The following MDFIC variants were observed in gnomAD, a reference collection of about 807,000 sequenced individuals.
MDFIC encodes the protein MyoD family inhibitor domain containing, also known as myoD family inhibitor domain-containing protein.
MDFIC carries 17 observed loss-of-function variants against 23.2 expected under a neutral mutation model. The observed-to-expected ratio is 0.73, with a 90% CI of 0.50 to 1.10. MDFIC has a LOEUF of 1.10. Ranked by LOEUF, MDFIC falls within the 50% of genes least tolerant of loss-of-function variation. MDFIC has a pLI of 0.00. For missense variants in MDFIC, 356 were observed against 316.6 expected (o/e 1.12, Z -0.95); for synonymous variants, 120 against 115.2 (o/e 1.04, Z -0.27).
At chr7:114,996,897 A>T (rs2709473) in intron 4 of MDFIC, among the ~76,000 whole-genome samples, 6,696 of 152,258 alleles carry the variant, frequency 0.044, 325 homozygotes, top group African/African-American at 0.12. Flanking sequence ...CACTGTAGAA[A>T]ATGAAGAGAA....
At chr7:114,923,487 A>T in intron 2 of MDFIC, 19 of 1,537,836 alleles carry the variant, frequency 1.2e-5, no homozygotes, top group Non-Finnish European at 1.7e-5. Flanking sequence ...GGACTGCCGC[A>T]GCTCTCTGAA....
intron 4 of MDFIC, among the ~76,000 whole-genome samples, chr7:114,996,253 G>A (rs1048820136): frequency 6.6e-6 from 1 of 152,180 alleles, no homozygotes; most frequent in Non-Finnish European, 1.5e-5. Flanking sequence ...GGAGGTAATA[G>A]GATTGGATCG....
intron 3 of MDFIC, among the ~76,000 whole-genome samples, chr7:114,944,061 A>G (rs1211651609): frequency 1.3e-5 from 2 of 152,212 alleles, no homozygotes; most frequent in Non-Finnish European, 2.9e-5. Flanking sequence ...ATGAATTAAA[A>G]TGATTTACTC....
At chr7:114,988,050 T>C (rs1793543927) in intron 4 of MDFIC, among the ~76,000 whole-genome samples, 1 of 152,196 alleles carries the variant, frequency 6.6e-6, no homozygotes, top group Non-Finnish European at 1.5e-5. Context: ...GAGCTCTTCT[T>C]TTGTAATAAC....
intron 4 of MDFIC, among the ~76,000 whole-genome samples, chr7:115,006,399 CA>C (rs1225839280): frequency 3.9e-5 from 6 of 152,174 alleles, no homozygotes; most frequent in African/African-American, 1.4e-4. Flanking sequence ...AGGCTAATAT[CA>C]GTGACTGAAA....
At chr7:114,942,874 C>T (rs1792572965) in intron 3 of MDFIC, among the ~76,000 whole-genome samples, 3 of 152,124 alleles carry the variant, frequency 2.0e-5, no homozygotes, top group Non-Finnish European at 4.4e-5. Context: ...ACAAAAGCTT[C>T]GGTCTATTTT....
At chr7:114,962,977 GTAAT>G (rs1793024806) in intron 3 of MDFIC, among the ~76,000 whole-genome samples, 1 of 152,158 alleles carries the variant, frequency 6.6e-6, no homozygotes, top group African/African-American at 2.4e-5. Flanking sequence ...TTCTTGGAAA[GTAAT>G]TAAAGTATAA....
At chr7:114,945,672 G>A (rs1031508310) in intron 3 of MDFIC, among the ~76,000 whole-genome samples, 3 of 152,218 alleles carry the variant, frequency 2.0e-5, no homozygotes, top group South Asian at 4.1e-4. Flanking sequence ...GTCAGAGAAC[G>A]CACATTTTGG....
chr7:115,008,536 G>T (rs1354634319), intron 4 of MDFIC, among the ~76,000 whole-genome samples: 1 of 152,180 alleles, frequency 6.6e-6, no homozygotes, highest in South Asian at 2.1e-4. Context: ...AGCGTTCTGT[G>T]TAGGAGGCTC....
At chr7:114,934,538 G>A (rs187415673) in intron 2 of MDFIC, among the ~76,000 whole-genome samples, 1 of 152,068 alleles carries the variant, frequency 6.6e-6, no homozygotes, top group South Asian at 2.1e-4. Flanking sequence ...AACCTATAAA[G>A]TGATTGAGTC....
intron 4 of MDFIC, among the ~76,000 whole-genome samples, chr7:114,983,000 G>A (rs1172900846): frequency 6.6e-6 from 1 of 152,192 alleles, no homozygotes; most frequent in Non-Finnish European, 1.5e-5. Context: ...ATCACCTCTT[G>A]AAGGACTTAC....
At chr7:114,976,878 T>C (rs558207662) in intron 3 of MDFIC, among the ~76,000 whole-genome samples, 25 of 152,204 alleles carry the variant, frequency 1.6e-4, no homozygotes, top group Non-Finnish European at 3.4e-4. Flanking sequence ...TGAAAAATGC[T>C]TCAAGTCTTA....
intron 3 of MDFIC, among the ~76,000 whole-genome samples, chr7:114,965,075 G>T (rs530393618): frequency 6.6e-6 from 1 of 152,112 alleles, no homozygotes; most frequent in African/African-American, 2.4e-5. Context: ...GGTTCCCAGC[G>T]GAACAATTTA....
intron 2 of MDFIC, among the ~76,000 whole-genome samples, chr7:114,928,256 A>T (rs1792234373): frequency 6.6e-6 from 1 of 152,154 alleles, no homozygotes; most frequent in Admixed American, 6.5e-5. Context: ...AAGAAGATAT[A>T]TCTGTAAATT....
chr7:114,949,447 A>G (rs1475162377), intron 3 of MDFIC, among the ~76,000 whole-genome samples: 1 of 152,236 alleles, frequency 6.6e-6, no homozygotes, highest in Non-Finnish European at 1.5e-5. Flanking sequence ...GCTGTGGTCT[A>G]GATAATTTTA....
At chr7:114,970,196 G>A (rs935239218) in intron 3 of MDFIC, among the ~76,000 whole-genome samples, 2 of 152,146 alleles carry the variant, frequency 1.3e-5, no homozygotes, top group Non-Finnish European at 2.9e-5. Context: ...CCTTGTTTGG[G>A]GACCTTCATA....
rs780543991 is a variant in MDFIC, at chr7:114,935,668, C to T, written c.95-6607C>T. The stretch of plus-strand genomic sequence containing the variant: ...ATAAGTAGACTAGGAAACCCAAGTC[C>T]GGGGAAATCAGAATATATAGGTATA... On this transcript the variant is annotated intron_variant, in intron 2 of 4. Transcript: ENST00000393486. Among the ~76,000 whole-genome samples, 89 of 151,676 alleles carry T rather than the reference C, an allele frequency of 5.9e-4. 1 individual carries two copies. The highest frequency in any genetic ancestry group is 3.4e-3 in the Middle Eastern group (1 of 292).
At chr7:114,988,514 T>C (rs1793550631) in intron 4 of MDFIC, among the ~76,000 whole-genome samples, 1 of 152,158 alleles carries the variant, frequency 6.6e-6, no homozygotes, top group Non-Finnish European at 1.5e-5. Flanking sequence ...AATAGAGGAA[T>C]TGAAGATTTA....
intron 4 of MDFIC, among the ~76,000 whole-genome samples, chr7:115,004,743 T>G (rs1177629756): frequency 6.6e-6 from 1 of 152,182 alleles, no homozygotes; most frequent in African/African-American, 2.4e-5. Context: ...TTTTTTCCAC[T>G]TCCTATGCAC....
Sources: allele counts gnomAD v4.1 joint callset (sites outside exome capture counted in the v4.1 genomes callset), GRCh38; gene constraint gnomAD v4.1.1; transcripts MANE v1.5; gene names NCBI Gene and HGNC (gene_info 2026-07-23, HGNC 2026-07-21).